Variants in ATP10B observed in about 807,000 individuals in gnomAD.
ATP10B encodes the protein ATPase phospholipid transporting 10B (putative), also known as phospholipid-transporting ATPase VB.
In ATP10B, 122 loss-of-function variants were observed where a neutral mutation model predicts 141.2. The observed-to-expected ratio is 0.86, with a 90% CI of 0.75 to 1.00. ATP10B has a LOEUF of 1.00. Ranked by LOEUF, ATP10B falls within the 50% of genes least tolerant of loss-of-function variation. The pLI is 0.00. For synonymous variants in ATP10B, 685 were observed against 692.0 expected, an observed-to-expected ratio of 0.99 and a Z score of 0.16; for missense variants, 1,876 against 1,825.3, an observed-to-expected ratio of 1.03 and a Z score of -0.51.
chr5:160,687,851 T>C lies in ATP10B; in HGVS notation c.224A>G (p.Lys75Arg). The C allele has an allele frequency of 6.2e-7, 1 of 1,614,138 alleles. No homozygotes were observed. The highest frequency in any genetic ancestry group is 8.5e-7 in the Non-Finnish European group (1 of 1,180,012). ...GGGCAGGAAGGTGAAGAGGGTGTATTTGGTTGTGCAGGTTCTGTTGCCAGG... is the reference window on the plus strand; with the variant it reads ...GGGCAGGAAGGTGAAGAGGGTGTATCTGGTTGTGCAGGTTCTGTTGCCAGG... ...RYPGNRTCTT[K>R]YTLFTFLPRN... The change falls in exon 5 of 26, where the codon AAA (lysine) becomes AGA (arginine). Residue 75 changes from lysine to arginine, a missense_variant. By Grantham distance (26) the Lys-to-Arg change is conservative. Coordinates refer to ENST00000327245, the MANE Select transcript of ATP10B (RefSeq NM_025153.3).
At chr5:160,740,835 C>G (rs1461860068) in intron 2 of ATP10B, among the ~76,000 whole-genome samples, 2 of 152,162 alleles carry the variant, frequency 1.3e-5, no homozygotes, top group African/African-American at 4.8e-5. Flanking sequence ...TGGCGGAATT[C>G]TTTGGATCTT....
intron 7 of ATP10B, among the ~76,000 whole-genome samples, chr5:160,652,924 ATAT>A (rs1760949204): frequency 1.2e-5 from 1 of 82,354 alleles, no homozygotes; most frequent in Non-Finnish European, 2.1e-5. Context: ...TATATATAAT[ATAT>A]TATATATACA....
chr5:160,731,774 C>T (rs1188721730), intron 2 of ATP10B, among the ~76,000 whole-genome samples: 1 of 152,118 alleles, frequency 6.6e-6, no homozygotes, highest in South Asian at 2.1e-4. Flanking sequence ...TTTGCTTGAC[C>T]CTGAATTGTC....
chr5:160,603,884 G>T, intron 20 of ATP10B, 81 bp downstream of exon 20: 1 of 1,251,196 alleles, frequency 8.0e-7, no homozygotes. Flanking sequence ...TTCTCAGGGA[G>T]AAGTTTCTCC....
intron 2 of ATP10B, among the ~76,000 whole-genome samples, chr5:160,742,306 C>T (rs1276265501): frequency 6.6e-6 from 1 of 152,110 alleles, no homozygotes; most frequent in African/African-American, 2.4e-5. Flanking sequence ...TGACATCCCC[C>T]CTAATGCTGT....
chr5:160,715,964 C>A (rs1451749683), intron 3 of ATP10B, among the ~76,000 whole-genome samples: 2 of 152,084 alleles, frequency 1.3e-5, no homozygotes, highest in Non-Finnish European at 2.9e-5. Context: ...TCTCCTGGGC[C>A]TCCCAAAGTG....
chr5:160,860,296 GAATAT>G, the ATP10B span, among the ~76,000 whole-genome samples: 1 of 151,706 alleles, frequency 6.6e-6, no homozygotes, highest in South Asian at 2.1e-4. Flanking sequence ...GTTAAAACAA[GAATAT>G]ATTAAAAGAT....
intron 1 of ATP10B, among the ~76,000 whole-genome samples, chr5:160,831,664 C>A (rs372792655): frequency 6.6e-6 from 1 of 151,994 alleles, no homozygotes; most frequent in African/African-American, 2.4e-5. Flanking sequence ...AAGCAAAAAG[C>A]CCTTCTGGAA....
chr5:160,885,785 T>C, the ATP10B span, among the ~76,000 whole-genome samples: 6 of 152,322 alleles, frequency 3.9e-5, no homozygotes, highest in African/African-American at 1.4e-4. Context: ...AGAAAATATC[T>C]GTAGCAGAGC....
chr5:160,688,001 G>C lies in ATP10B; in HGVS notation c.74C>G (p.Ser25Trp), dbSNP rs769631234. The change falls in exon 5 of 26, where the codon TCG becomes TGG. Residue 25 changes from serine (S) to tryptophan (W), a missense_variant. By Grantham distance (177) the Ser-to-Trp change is radical (BLOSUM62 -3). Transcript: ENST00000327245. ...RVRDGFPHCP[S>W]ETTPLLSPEK... ...TGGAGAGAGCAGCGGTGTGGTTTCC[G>C]ATGGACAATGGGGGAAGCCATCTCT... 4 of 1,614,036 alleles carry C rather than the reference G, an allele frequency of 2.5e-6. No homozygotes were observed. The Middle Eastern group carries it at 5.0e-4, about 201-fold the overall frequency.
At chr5:160,842,894 A>G (rs1366123438) in intron 1 of ATP10B, among the ~76,000 whole-genome samples, 1 of 152,146 alleles carries the variant, frequency 6.6e-6, no homozygotes, top group African/African-American at 2.4e-5. Context: ...TCAATCTTAT[A>G]CAAGTTGTTT....
intron 2 of ATP10B, among the ~76,000 whole-genome samples, chr5:160,755,642 C>T (rs1473073445): frequency 3.4e-5 from 5 of 148,450 alleles, no homozygotes; most frequent in East Asian, 2.0e-4. Flanking sequence ...GGTGAAACCC[C>T]GTCTCTACTA....
the ATP10B span, among the ~76,000 whole-genome samples, chr5:160,907,652 C>T: frequency 2.9e-3 from 436 of 152,310 alleles, 1 homozygote; most frequent in African/African-American, 0.01. Context: ...TGAGCCACCA[C>T]TGCACTGGGC....
chr5:160,733,202 T>C (rs1766860609), intron 2 of ATP10B, among the ~76,000 whole-genome samples: 1 of 152,244 alleles, frequency 6.6e-6, no homozygotes, highest in East Asian at 1.9e-4. Flanking sequence ...ATGTCTTTTT[T>C]ATTGTGTAGT....
chr5:160,859,983 A>G, the ATP10B span, among the ~76,000 whole-genome samples: 1 of 152,044 alleles, frequency 6.6e-6, no homozygotes, highest in Middle Eastern at 3.4e-3. Context: ...TTTTACTTGT[A>G]CGTCTTTCGT....
At position 160,828,898 on chromosome 5, in the gene ATP10B, T is replaced by C. The variant is rs1302186112; in HGVS notation, c.-576+23043A>G. Among the ~76,000 whole-genome samples, 135 of 148,092 alleles carry C rather than the reference T, an allele frequency of 9.1e-4. 1 individual carries two copies. Among genetic ancestry groups the C allele is most frequent in the Non-Finnish European group, 1.6e-3 (109 of 66,480 alleles). On this transcript the variant is annotated intron_variant, in intron 1 of 25. Coordinates refer to ENST00000327245, the MANE Select transcript of ATP10B (RefSeq NM_025153.3). ...AGCCATAAAAAATGATGAGTTCATG[T>C]CATTTGTAGGGACATGGATGAAATT... is the stretch of plus-strand genomic sequence containing the variant.
chr5:160,844,599 G>C (rs1220620055), intron 1 of ATP10B, among the ~76,000 whole-genome samples: 1 of 151,654 alleles, frequency 6.6e-6, no homozygotes, highest in Non-Finnish European at 1.5e-5. Flanking sequence ...AGGCTGGAGT[G>C]TAGTGGCTCC....
At chr5:160,897,717 G>A in the ATP10B span, among the ~76,000 whole-genome samples, 12 of 152,244 alleles carry the variant, frequency 7.9e-5, no homozygotes, top group South Asian at 2.5e-3. Flanking sequence ...AACTAAAAAA[G>A]AGCTCATATA....
At chr5:160,808,825 T>C (rs1035839719) in intron 1 of ATP10B, among the ~76,000 whole-genome samples, 7 of 152,192 alleles carry the variant, frequency 4.6e-5, no homozygotes, top group African/African-American at 1.4e-4. Context: ...ACAAGTGACT[T>C]AAAGAGAATA....
Sources: gnomAD v4.1 joint callset for allele counts (sites outside exome capture counted in the v4.1 genomes callset) on GRCh38, gnomAD v4.1.1 for gene constraint, MANE v1.5 for transcripts, NCBI Gene and HGNC (gene_info 2026-07-23, HGNC 2026-07-21) for gene names.